HS3ST4: variants seen among roughly 807,000 people sequenced by gnomAD.
The protein encoded by HS3ST4 is heparan sulfate-glucosamine 3-sulfotransferase 4.
HS3ST4 carries 17 observed loss-of-function variants against 29.2 expected under a neutral mutation model. That is an observed-to-expected ratio of 0.58 (90% CI 0.40 to 0.87). The LOEUF is 0.87. Among genes scored for constraint, HS3ST4 ranks in the 40% least tolerant of loss-of-function variants. The probability of loss-of-function intolerance (pLI) is 0.00; values close to 1 mark genes in which losing one functional copy is unlikely to be tolerated. For missense variants in HS3ST4, 627 were observed against 634.5 expected (o/e 0.99, Z 0.13); for synonymous variants, 314 against 285.7 (o/e 1.10, Z -1.00).
At chr16:26,058,045 T>A (rs1898430739) in intron 1 of HS3ST4, among the ~76,000 whole-genome samples, 1 of 152,190 alleles carries the variant, frequency 6.6e-6, no homozygotes, top group African/African-American at 2.4e-5. Flanking sequence ...CAGGTCCTGA[T>A]GGAGGAGTCA....
chr16:26,078,428 G>A (rs750656579), intron 1 of HS3ST4, among the ~76,000 whole-genome samples: 3 of 152,162 alleles, frequency 2.0e-5, no homozygotes, highest in Non-Finnish European at 2.9e-5. Context: ...GATTACAGGC[G>A]TGAGCCACCG....
At chr16:25,810,680 A>T (rs566982940) in intron 1 of HS3ST4, among the ~76,000 whole-genome samples, 1 of 152,362 alleles carries the variant, frequency 6.6e-6, no homozygotes, top group African/African-American at 2.4e-5. Flanking sequence ...TGCAGTGCCT[A>T]GCATATAATA....
intron 1 of HS3ST4, among the ~76,000 whole-genome samples, chr16:25,955,501 A>G (rs750166668): frequency 1.1e-4 from 17 of 152,194 alleles, no homozygotes; most frequent in East Asian, 1.9e-4. Flanking sequence ...AACACTTCCA[A>G]TGAATTTCCC....
At chr16:26,046,988 T>C (rs1898278975) in intron 1 of HS3ST4, among the ~76,000 whole-genome samples, 1 of 152,170 alleles carries the variant, frequency 6.6e-6, no homozygotes, top group South Asian at 2.1e-4. Context: ...TGTTTCCTCT[T>C]CATTCCTTTC....
At chr16:25,938,084 C>T (rs1968534723) in intron 1 of HS3ST4, among the ~76,000 whole-genome samples, 1 of 152,158 alleles carries the variant, frequency 6.6e-6, no homozygotes, top group Non-Finnish European at 1.5e-5. Flanking sequence ...TCAGATTCTA[C>T]TAGCAGGTGT....
At chr16:25,709,057 A>G (rs1966397641) in intron 1 of HS3ST4, among the ~76,000 whole-genome samples, 1 of 151,936 alleles carries the variant, frequency 6.6e-6, no homozygotes, top group Non-Finnish European at 1.5e-5. Flanking sequence ...TGGCTCATGT[A>G]TCTGAGAAGT....
intron 1 of HS3ST4, among the ~76,000 whole-genome samples, chr16:25,779,999 G>A (rs559721858): frequency 3.0e-4 from 46 of 152,242 alleles, no homozygotes; most frequent in East Asian, 1.5e-3. Context: ...CCATTTCTTC[G>A]TAACGTGAGT....
chr16:25,881,219 G>A (rs1967892471), intron 1 of HS3ST4, among the ~76,000 whole-genome samples: 1 of 152,156 alleles, frequency 6.6e-6, no homozygotes, highest in Non-Finnish European at 1.5e-5. Flanking sequence ...TAATGACCAA[G>A]ACATTCAACT....
chr16:25,727,689 A>G (rs1164200367), intron 1 of HS3ST4, among the ~76,000 whole-genome samples: 2 of 152,172 alleles, frequency 1.3e-5, no homozygotes, highest in Non-Finnish European at 2.9e-5. Flanking sequence ...CCCAGGGAGA[A>G]CCCACATCAT....
chr16:25,999,897 T>TTATATATATTATATATATATTTATA (rs1555477425), intron 1 of HS3ST4, among the ~76,000 whole-genome samples: 6 of 131,882 alleles, frequency 4.5e-5, no homozygotes, highest in East Asian at 4.1e-4. Flanking sequence ...TATATATATT[T>TTATATATATTATATATATATTTATA]TATATATATA....
intron 1 of HS3ST4, among the ~76,000 whole-genome samples, chr16:26,077,361 G>A (rs914597161): frequency 1.3e-5 from 2 of 152,242 alleles, no homozygotes; most frequent in Non-Finnish European, 2.9e-5. Context: ...CACCTCTTGG[G>A]AGGAACAGCC....
intron 1 of HS3ST4, among the ~76,000 whole-genome samples, chr16:25,736,444 G>A (rs1245227010): frequency 6.6e-6 from 1 of 152,156 alleles, no homozygotes; most frequent in Non-Finnish European, 1.5e-5. Context: ...AAAATTCTTG[G>A]CACTCACTGG....
intron 1 of HS3ST4, among the ~76,000 whole-genome samples, chr16:25,880,121 C>G (rs1051310633): frequency 2.0e-5 from 3 of 152,124 alleles, no homozygotes; most frequent in Non-Finnish European, 2.9e-5. Flanking sequence ...TTATTCAAAC[C>G]CAGACCTCTT....
chr16:26,000,291 A>G (rs1200241142), intron 1 of HS3ST4, among the ~76,000 whole-genome samples: 1 of 152,076 alleles, frequency 6.6e-6, no homozygotes, highest in Non-Finnish European at 1.5e-5. Context: ...ATACACTTCA[A>G]ATTATAGCTA....
At chr16:25,907,706 CA>C (rs1443905474) in intron 1 of HS3ST4, among the ~76,000 whole-genome samples, 1 of 152,250 alleles carries the variant, frequency 6.6e-6, no homozygotes, top group African/African-American at 2.4e-5. Context: ...CCGGGCCCCC[CA>C]AAACACACAC....
chr16:26,117,725 G>A (rs1232937399), intron 1 of HS3ST4, among the ~76,000 whole-genome samples: 1 of 152,200 alleles, frequency 6.6e-6, no homozygotes, highest in Admixed American at 6.5e-5. Context: ...TGGCCTCTTT[G>A]GGTGTACAAA....
intron 1 of HS3ST4, among the ~76,000 whole-genome samples, chr16:26,120,061 G>A (rs202106152): frequency 3.9e-5 from 3 of 77,126 alleles, no homozygotes; most frequent in Non-Finnish European, 5.6e-5. Context: ...AAGTGTGTGT[G>A]TGTGTGTGTA....
intron 1 of HS3ST4, among the ~76,000 whole-genome samples, chr16:25,716,973 G>C (rs974433242): frequency 4.6e-5 from 7 of 152,050 alleles, no homozygotes; most frequent in African/African-American, 1.7e-4. Context: ...AGAATCACTT[G>C]AACCTGGGAG....
At chr16:26,066,439 T>C (rs1193632765) in intron 1 of HS3ST4, among the ~76,000 whole-genome samples, 23 of 152,200 alleles carry the variant, frequency 1.5e-4, no homozygotes, top group Admixed American at 1.5e-3. Context: ...CTATCTGATA[T>C]TTGAGGAAAT....
Sources: gnomAD v4.1 joint callset for allele counts (sites outside exome capture counted in the v4.1 genomes callset) on GRCh38, gnomAD v4.1.1 for gene constraint, MANE v1.5 for transcripts, NCBI Gene and HGNC (gene_info 2026-07-23, HGNC 2026-07-21) for gene names.